CPEB3: variants seen among roughly 807,000 people sequenced by gnomAD.
CPEB3 encodes the protein cytoplasmic polyadenylation element-binding protein 3.
CPEB3 carries 20 observed loss-of-function variants against 67.2 expected under a neutral mutation model. The ratio of observed to expected loss-of-function variants is 0.30; its 90% confidence interval spans 0.21 to 0.43. The LOEUF (loss-of-function observed/expected upper bound fraction) is 0.43, where lower values mean the gene tolerates loss of function less well. Among genes scored for constraint, CPEB3 ranks in the 20% least tolerant of loss-of-function variants. The pLI, the probability that CPEB3 is intolerant of heterozygous loss-of-function variation, is 1.00. For synonymous variants in CPEB3, 376 were observed against 393.1 expected, an observed-to-expected ratio of 0.96 and a Z score of 0.51; for missense variants, 746 against 968.6, an observed-to-expected ratio of 0.77 and a Z score of 3.05.
chr10:92,096,560 T>C (rs1173159317), intron 7 of CPEB3, among the ~76,000 whole-genome samples: 1 of 152,058 alleles, frequency 6.6e-6, no homozygotes, highest in Non-Finnish European at 1.5e-5. Context: ...CACCCAGAAA[T>C]AGTGAAGATT....
intron 2 of CPEB3, among the ~76,000 whole-genome samples, chr10:92,208,058 A>T (rs915082921): frequency 1.3e-5 from 2 of 152,240 alleles, no homozygotes; most frequent in African/African-American, 4.8e-5. Context: ...GCAAGGCTCA[A>T]AAGAACACCT....
intron 6 of CPEB3, among the ~76,000 whole-genome samples, chr10:92,134,540 C>T (rs1845996941): frequency 6.6e-6 from 1 of 151,882 alleles, no homozygotes; most frequent in African/African-American, 2.4e-5. Flanking sequence ...AAGAACATTC[C>T]ATACTCATGG....
chr10:92,165,121 T>TA (rs547314067), intron 4 of CPEB3, among the ~76,000 whole-genome samples: 1 of 152,052 alleles, frequency 6.6e-6, no homozygotes, highest in Non-Finnish European at 1.5e-5. Context: ...CATTATGTCT[T>TA]AAAAAACAAT....
At position 92,058,594 on chromosome 10, in the gene CPEB3, T is replaced by TACATACATAC. The variant is rs58218665; in HGVS notation, c.1870-6156_1870-6155insGTATGTATGT. 2.3e-3 allele frequency among the ~76,000 whole-genome samples: 307 copies of TACATACATAC among 135,462 alleles called. 1 individual carries two copies. Among genetic ancestry groups the TACATACATAC allele is most frequent in the East Asian group, 7.1e-3 (33 of 4,618 alleles). The allele number at this position is 135,462 out of a possible 152,430, so 88.9% of individuals were successfully genotyped here. ...ATACATACATACATACATACATACA[T>TACATACATAC]ATATATATATATATAAATTAATTAT... On this transcript the variant is annotated intron_variant, in intron 9 of 9. Transcript: ENST00000265997.
rs762727606 is a variant in CPEB3, at chr10:92,049,571, C to T, written c.*2641G>A. On this transcript the variant is annotated 3_prime_UTR_variant, in exon 10 of 10. Coordinates refer to ENST00000265997, the MANE Select transcript of CPEB3 (RefSeq NM_014912.5). ...ACTCTTTCACAATCCTGGTCAGTCG[C>T]GCACAATCAACACTTGATTAGAAAT... 1.3e-5 allele frequency: 2 copies of T among 152,516 alleles called. No individual in the cohort carries two copies. Among genetic ancestry groups the T allele is most frequent in the African/African-American group, 2.4e-5 (1 of 41,410 alleles). 9.4% of individuals were successfully genotyped at this position (152,516 alleles called of 1,614,324 possible). A position where few individuals can be genotyped will look rare whatever the true frequency, so the allele number is the denominator to read the frequency against.
In CPEB3 at chr10:92,119,855, C is replaced by T. The variant is rs148610387; in HGVS notation, c.1454-8661G>A. ...CCCTCTTAATTTTATGCTTTCTCATCGAAGTCATGCACCATTTTTTTCTGA... is the reference window on the plus strand; with the variant it reads ...CCCTCTTAATTTTATGCTTTCTCATTGAAGTCATGCACCATTTTTTTCTGA... On this transcript the variant is annotated intron_variant, in intron 6 of 9. Coordinates refer to ENST00000265997, the MANE Select transcript of CPEB3 (RefSeq NM_014912.5). 2.6e-5 allele frequency among the ~76,000 whole-genome samples: 4 copies of T among 151,828 alleles called. No homozygotes were observed. In the East Asian group the frequency reaches 7.7e-4, roughly 29 times the overall value.
At chr10:92,069,532 T>C (rs1248030097) in intron 9 of CPEB3, among the ~76,000 whole-genome samples, 1 of 151,992 alleles carries the variant, frequency 6.6e-6, no homozygotes, top group African/African-American at 2.4e-5. Flanking sequence ...GCCTCCTGAG[T>C]AGTTAGCATT....
chr10:92,193,657 G>A (rs1849090024), intron 2 of CPEB3, among the ~76,000 whole-genome samples: 1 of 151,282 alleles, frequency 6.6e-6, no homozygotes, highest in Admixed American at 6.6e-5. Flanking sequence ...GTCTCACTAT[G>A]TTGCCCAGGC....
At chr10:92,175,587 C>T (rs2182647) in intron 4 of CPEB3, among the ~76,000 whole-genome samples, 9,706 of 152,096 alleles carry the variant, frequency 0.064, 551 homozygotes, top group East Asian at 0.18. Context: ...TTTTAAAGTG[C>T]CAACATCACA....
intron 7 of CPEB3, among the ~76,000 whole-genome samples, chr10:92,105,169 C>T (rs1844384818): frequency 6.6e-6 from 1 of 152,186 alleles, no homozygotes; most frequent in South Asian, 2.1e-4. Context: ...GCTGATATGG[C>T]TTAGCCGTGA....
chr10:92,186,696 A>G (rs1470195428), intron 3 of CPEB3, among the ~76,000 whole-genome samples: 1 of 152,128 alleles, frequency 6.6e-6, no homozygotes, highest in African/African-American at 2.4e-5. Context: ...CAGCCTCCCA[A>G]AGTGCTGGGA....
chr10:92,185,063 T>C (rs1364011319), intron 3 of CPEB3, among the ~76,000 whole-genome samples: 1 of 152,226 alleles, frequency 6.6e-6, no homozygotes, highest in East Asian at 1.9e-4. Flanking sequence ...AGGCCATTTC[T>C]TTTTTCTTCC....
In CPEB3 at chr10:92,203,528, A is replaced by ATAT. The variant is rs1319440652; in HGVS notation, c.1006-10893_1006-10892insATA. On this transcript the variant is annotated intron_variant, in intron 2 of 9. Transcript: ENST00000265997. ...TGTGTGTATATATATATATATATAT[A>ATAT]TTTTTTTTTTAGAGGTGTAGCTGGG... is the stretch of plus-strand genomic sequence containing the variant. 1.3e-3 allele frequency among the ~76,000 whole-genome samples: 126 copies of ATAT among 93,872 alleles called. 1 individual carries two copies. The highest frequency in any genetic ancestry group is 5.2e-3 in the Middle Eastern group (1 of 194). The allele number at this position is 93,872 out of a possible 152,430, so 61.6% of individuals were successfully genotyped here.
intron 3 of CPEB3, among the ~76,000 whole-genome samples, chr10:92,190,028 C>G (rs550437001): frequency 1.3e-5 from 2 of 152,040 alleles, no homozygotes; most frequent in East Asian, 3.9e-4. Flanking sequence ...CCTGTAATCC[C>G]AGCACTTTAG....
intron 2 of CPEB3, among the ~76,000 whole-genome samples, chr10:92,194,886 T>C (rs1849159302): frequency 6.6e-6 from 1 of 151,774 alleles, no homozygotes; most frequent in Admixed American, 6.6e-5. Context: ...CTAAAAAATA[T>C]ACAAAAAATT....
At chr10:92,130,280 T>C (rs571806700) in intron 6 of CPEB3, among the ~76,000 whole-genome samples, 2 of 152,154 alleles carry the variant, frequency 1.3e-5, no homozygotes, top group African/African-American at 4.8e-5. Flanking sequence ...CTGCACTCTA[T>C]TTTTCCTTCA....
At chr10:92,286,597 A>C (rs1203763805) in intron 1 of CPEB3, among the ~76,000 whole-genome samples, 2 of 152,008 alleles carry the variant, frequency 1.3e-5, no homozygotes, top group Non-Finnish European at 2.9e-5. Flanking sequence ...AAAAAAAAAA[A>C]AAAACATAGG....
chr10:92,169,639 T>C (rs1192907432), intron 4 of CPEB3, among the ~76,000 whole-genome samples: 1 of 152,200 alleles, frequency 6.6e-6, no homozygotes, highest in African/African-American at 2.4e-5. Context: ...AGAACACAAC[T>C]AGAAAACCAA....
chr10:92,105,056 G>A (rs911226810), intron 7 of CPEB3, among the ~76,000 whole-genome samples: 5 of 152,088 alleles, frequency 3.3e-5, no homozygotes, highest in Middle Eastern at 3.4e-3. Flanking sequence ...AAGAGCCACC[G>A]TGCCCAGCCC....
Sources: gnomAD v4.1 joint callset for allele counts (sites outside exome capture counted in the v4.1 genomes callset) on GRCh38, gnomAD v4.1.1 for gene constraint, MANE v1.5 for transcripts, NCBI Gene and HGNC (gene_info 2026-07-23, HGNC 2026-07-21) for gene names.